FIGNL2: variants seen among roughly 807,000 people sequenced by gnomAD.
FIGNL2 encodes fidgetin like 2, also known as fidgetin-like protein 2.
For synonymous variants in FIGNL2, 565 were observed against 484.0 expected, an observed-to-expected ratio of 1.17 and a Z score of -2.20; for missense variants, 1,060 against 950.2, an observed-to-expected ratio of 1.12 and a Z score of -1.52.
intron 1 of FIGNL2, among the ~76,000 whole-genome samples, chr12:51,828,939 A>G (rs1406923950): frequency 1.3e-5 from 2 of 152,200 alleles, no homozygotes; most frequent in Non-Finnish European, 2.9e-5. Context: ...CACAGCATCA[A>G]CACCCTCCTC....
chr12:51,823,755 T>C (rs1276804474), intron 1 of FIGNL2, among the ~76,000 whole-genome samples: 1 of 152,204 alleles, frequency 6.6e-6, no homozygotes, highest in African/African-American at 2.4e-5. Flanking sequence ...TTCTCATAGG[T>C]TCAGTATTCT....
chr12:51,827,543 A>G (rs1939370435), intron 1 of FIGNL2, among the ~76,000 whole-genome samples: 1 of 152,136 alleles, frequency 6.6e-6, no homozygotes, highest in Non-Finnish European at 1.5e-5. Flanking sequence ...CCATTTGTTA[A>G]AGGGCATAAC....
intron 1 of FIGNL2, chr12:51,831,928 C>T (rs1185789275): frequency 6.5e-6 from 1 of 152,794 alleles, no homozygotes; most frequent in Non-Finnish European, 1.5e-5. Flanking sequence ...GCAGCCTCCA[C>T]CTCCCAGGCT....
chr12:51,825,640 G>A (rs1233364243), intron 1 of FIGNL2, among the ~76,000 whole-genome samples: 7 of 143,358 alleles, frequency 4.9e-5, no homozygotes, highest in Admixed American at 1.4e-4. Context: ...TTTTTGAGAC[G>A]GAGTCTCGCT....
intron 1 of FIGNL2, chr12:51,828,172 TC>T (rs914378532): frequency 5.3e-5 from 8 of 152,164 alleles, no homozygotes; most frequent in African/African-American, 1.9e-4. Flanking sequence ...TTGTGTCCCC[TC>T]CCGGTAAAAC....
At chr12:51,822,555 C>T (rs778463699) in intron 1 of FIGNL2, 131 bp from the exon 2 acceptor site, 181 of 976,452 alleles carry the variant, frequency 1.9e-4, no homozygotes, top group Non-Finnish European at 2.7e-4. Flanking sequence ...CCACCTACCG[C>T]CCCACTCTCT....
At position 51,821,045 on chromosome 12, in the gene FIGNL2, G is replaced by A; in HGVS notation, c.1369C>T (p.Arg457Cys). 6 of 1,198,116 alleles carry A rather than the reference G, an allele frequency of 5.0e-6. No homozygotes were observed. Among genetic ancestry groups the A allele is most frequent in the Non-Finnish European group, 6.2e-6 (6 of 968,248 alleles). 74.2% of individuals were successfully genotyped at this position (1,198,116 alleles called of 1,614,324 possible). ...CCGGGCGCAGCCAGGGTCGCGCCGC[G>A]CAGGCGCAACAGCGTGGCGCCCAGC... is the stretch of plus-strand genomic sequence containing the variant. ...TQLGATLLRL[R>C]GATLAAPGAA... Residue 457 changes from arginine (R) to cysteine (C), a missense_variant, in exon 2 of 2, where the codon CGC becomes TGC. Coordinates refer to ENST00000618634, the MANE Select transcript of FIGNL2 (RefSeq NM_001384995.1).
chr12:51,822,509 G>A, intron 1 of FIGNL2, 85 bp from the exon 2 acceptor site: 1 of 1,519,298 alleles, frequency 6.6e-7, no homozygotes, highest in Non-Finnish European at 9.0e-7. Context: ...AGTCCGCCTA[G>A]ACTGCGGCTT....
intron 1 of FIGNL2, chr12:51,832,020 T>G (rs553871759): frequency 4.6e-5 from 7 of 152,158 alleles, no homozygotes; most frequent in African/African-American, 1.7e-4. Flanking sequence ...TTAATTTAAT[T>G]TAATTTATTT....
At chr12:51,834,097 G>GTGGATGGTTGGATGGATGGA (rs1555234024) in intron 1 of FIGNL2, among the ~76,000 whole-genome samples, 5 of 87,960 alleles carry the variant, frequency 5.7e-5, no homozygotes, top group Non-Finnish European at 1.4e-4. Flanking sequence ...AGACGGATGG[G>GTGGATGGTTGGATGGATGGA]TGGATGGATG....
At position 51,821,057 on chromosome 12, in the gene FIGNL2, G is replaced by A; in HGVS notation, c.1357C>T (p.Leu453=). ...RCLATQLGAT[L]LRLRGATLAA... is the part of the protein sequence containing the mutation. ...AGGGTCGCGCCGCGCAGGCGCAACAGCGTGGCGCCCAGCTGCGTGGCGAGG... is the reference window on the plus strand; with the variant it reads ...AGGGTCGCGCCGCGCAGGCGCAACAACGTGGCGCCCAGCTGCGTGGCGAGG... Residue 453 remains leucine, a synonymous_variant, in exon 2 of 2, where the codon CTG becomes TTG. Coordinates refer to ENST00000618634, the MANE Select transcript of FIGNL2 (RefSeq NM_001384995.1). 4.0e-6 allele frequency: 5 copies of A among 1,238,072 alleles called. No individual in the cohort carries two copies. The highest frequency in any genetic ancestry group is 3.2e-5 in the South Asian group (1 of 31,294). The allele number at this position is 1,238,072 out of a possible 1,614,324, so 76.7% of individuals were successfully genotyped here. A position where few individuals can be genotyped will look rare whatever the true frequency, so the allele number is the denominator to read the frequency against.
chr12:51,834,018 C>CAGATGGATGAATAGACAGACGGATGGGT (rs1939525113), intron 1 of FIGNL2, among the ~76,000 whole-genome samples: 22 of 100,108 alleles, frequency 2.2e-4, no homozygotes, highest in Admixed American at 3.1e-4. Context: ...GACAAATGGA[C>CAGATGGATGAATAGACAGACGGATGGGT]GGATGGATGG....
At chr12:51,828,329 A>C (rs1219937436) in intron 1 of FIGNL2, 1 of 152,042 alleles carries the variant, frequency 6.6e-6, no homozygotes, top group Non-Finnish European at 1.5e-5. Flanking sequence ...TCTCTCTCAA[A>C]CTGCCTGGTT....
intron 1 of FIGNL2, among the ~76,000 whole-genome samples, chr12:51,838,936 C>T (rs974017178): frequency 6.6e-6 from 1 of 152,182 alleles, no homozygotes; most frequent in Non-Finnish European, 1.5e-5. Context: ...ACTGAAAATA[C>T]AGTCCCAAAC....
chr12:51,840,128 A>T (rs1319267550), intron 1 of FIGNL2, among the ~76,000 whole-genome samples: 1 of 152,148 alleles, frequency 6.6e-6, no homozygotes. Context: ...ACACCTGTGC[A>T]CTCAGTGATG....
rs769623174 is a variant in FIGNL2 at position 51,821,558 on chromosome 12, C to T, written c.856G>A (p.Ala286Thr). The T allele has an allele frequency of 1.6e-5, 25 of 1,544,552 alleles. 1 individual carries two copies. Among genetic ancestry groups the T allele is most frequent in the African/African-American group, 2.8e-5 (2 of 71,066 alleles). Residue 286 changes from alanine (A) to threonine (T), a missense_variant, in exon 2 of 2, where the codon GCC becomes ACC. Ala to Thr is a moderately conservative substitution (Grantham distance 58). Transcript: ENST00000618634. ...GCTCCGTCAGCCACGGGGGCCTTGGCGGGCTCGTACGCGTACTTGCGGTAG... is the reference window on the plus strand; with the variant it reads ...GCTCCGTCAGCCACGGGGGCCTTGGTGGGCTCGTACGCGTACTTGCGGTAG... ...GRYRKYAYEP[A>T]KAPVADGASY...
intron 1 of FIGNL2, among the ~76,000 whole-genome samples, chr12:51,836,630 C>T (rs886663488): frequency 6.6e-6 from 1 of 152,154 alleles, no homozygotes; most frequent in Admixed American, 6.5e-5. Context: ...CCAGCAGACA[C>T]ACCCCAGTTA....
chr12:51,821,873 G>C lies in FIGNL2; in HGVS notation c.541C>G (p.Pro181Ala). 1 of 1,305,730 alleles carries C rather than the reference G, an allele frequency of 7.7e-7. No homozygotes were observed. The highest frequency in any genetic ancestry group is 2.7e-5 in the South Asian group (1 of 36,936). 80.9% of individuals were successfully genotyped at this position (1,305,730 alleles called of 1,614,324 possible). ...TGCAGGAGCGCGGCCGGGGGCGGCG[G>C]GGGCAGCGCGGCGCCCGTCTGCGCG... ...YCAQTGAALP[P>A]PPPAALLQPP... The change falls in exon 2 of 2, where the codon CCG becomes GCG. Residue 181 changes from proline to alanine, a missense_variant. Pro to Ala is a conservative substitution (Grantham distance 27). Transcript: ENST00000618634.
In FIGNL2 at chr12:51,820,778, G is replaced by A. The variant is rs1388816978; in HGVS notation, c.1636C>T (p.Arg546Cys). The A allele has an allele frequency of 6.1e-6, 9 of 1,481,562 alleles. No individual in the cohort carries two copies. Among genetic ancestry groups the A allele is most frequent in the Non-Finnish European group, 6.2e-6 (7 of 1,124,802 alleles). The allele number at this position is 1,481,562 out of a possible 1,614,324, so 91.8% of individuals were successfully genotyped here. ...TAGAAGCGGAGAGAGAAGCGCCGGC[G>A]GGTCGCCTCGTCCAGAGCCGCGGGC... is the stretch of plus-strand genomic sequence containing the variant. The part of the protein sequence containing the change: ...SRPAALDEAT[R>C]RRFSLRFYVA... Residue 546 changes from arginine to cysteine, a missense_variant, in exon 2 of 2, where the codon CGC becomes TGC. Coordinates refer to ENST00000618634, the MANE Select transcript of FIGNL2 (RefSeq NM_001384995.1).
Sources: allele counts gnomAD v4.1 joint callset (sites outside exome capture counted in the v4.1 genomes callset), GRCh38; gene constraint gnomAD v4.1.1; transcripts MANE v1.5; gene names NCBI Gene and HGNC (gene_info 2026-07-23, HGNC 2026-07-21).